The following SLC44A3 variants were observed in gnomAD, a reference collection of about 807,000 sequenced individuals.
SLC44A3 encodes solute carrier family 44 member 3.
SLC44A3 carries 74 observed loss-of-function variants against 75.4 expected under a neutral mutation model. The observed-to-expected ratio is 0.98, with a 90% CI of 0.81 to 1.19. SLC44A3 has a LOEUF of 1.19. Ranked by LOEUF, SLC44A3 falls within the 50% of genes most tolerant of loss-of-function variation. The pLI, the probability that SLC44A3 is intolerant of heterozygous loss-of-function variation, is 0.00. For missense variants in SLC44A3, 700 were observed against 778.6 expected (o/e 0.90, Z 1.20); for synonymous variants, 310 against 296.9 (o/e 1.04, Z -0.45).
intron 12 of SLC44A3, among the ~76,000 whole-genome samples, chr1:94,867,812 T>C (rs1667338987): frequency 6.6e-6 from 1 of 151,990 alleles, no homozygotes; most frequent in African/African-American, 2.4e-5. Context: ...GAGCTGTAGT[T>C]TGCATACCCT....
intron 12 of SLC44A3, among the ~76,000 whole-genome samples, chr1:94,869,226 C>G (rs994315075): frequency 6.6e-6 from 1 of 152,242 alleles, no homozygotes; most frequent in Non-Finnish European, 1.5e-5. Context: ...GACCATTTCC[C>G]TTGGTAATTC....
intron 9 of SLC44A3, among the ~76,000 whole-genome samples, chr1:94,854,448 C>T (rs1665598476): frequency 6.6e-6 from 1 of 152,232 alleles, no homozygotes. Flanking sequence ...GGGATCTACC[C>T]ATAGTCTACC....
At chr1:94,853,563 G>T (rs1665484866) in intron 9 of SLC44A3, among the ~76,000 whole-genome samples, 6 of 152,182 alleles carry the variant, frequency 3.9e-5, no homozygotes, top group African/African-American at 1.4e-4. Context: ...GTGAAGTGTG[G>T]CCATAGGATC....
intron 14 of SLC44A3, 38 bp from the exon 15 acceptor site, chr1:94,894,780 C>A: frequency 6.5e-7 from 1 of 1,545,098 alleles, no homozygotes; most frequent in Non-Finnish European, 8.9e-7. Flanking sequence ...ACAGTACAGA[C>A]ACATAATACT....
In SLC44A3 at chr1:94,841,662, G is replaced by A. The variant is rs76543728; in HGVS notation, c.761-338G>A. 6.4e-3 allele frequency among the ~76,000 whole-genome samples: 972 copies of A among 152,262 alleles called. 6 individuals are homozygous for A. Among genetic ancestry groups the A allele is most frequent in the Non-Finnish European group, 0.01 (710 of 68,022 alleles). On this transcript the variant is annotated intron_variant, in intron 7 of 14. Transcript: ENST00000271227. ...TAAAACATTTAGACAGTGAGCTCTGGCATTGTCCCTCTCACCATCCTGTCC... is the reference window on the plus strand; with the variant it reads ...TAAAACATTTAGACAGTGAGCTCTGACATTGTCCCTCTCACCATCCTGTCC...
At chr1:94,837,268 A>G (rs1662953310) in intron 5 of SLC44A3, among the ~76,000 whole-genome samples, 2 of 152,222 alleles carry the variant, frequency 1.3e-5, no homozygotes, top group Non-Finnish European at 2.9e-5. Context: ...CATGGTGACT[A>G]TAGTTCATAA....
At position 94,857,107 on chromosome 1, in the gene SLC44A3, A is replaced by G. The variant is rs577077046; in HGVS notation, c.1073-228A>G. Among the ~76,000 whole-genome samples the G allele has an allele frequency of 7.3e-4, 111 of 152,306 alleles. 1 individual carries two copies. Among genetic ancestry groups the G allele is most frequent in the South Asian group, 3.9e-3 (19 of 4,832 alleles). On this transcript the variant is annotated intron_variant, in intron 9 of 14. Transcript: ENST00000271227. ...TTATAGCATATGTCAGGTGTCTTGG[A>G]AATTGCCTACCAATGGTCACTGTAA...
chr1:94,853,146 CAG>C (rs201987360), intron 9 of SLC44A3, among the ~76,000 whole-genome samples: 1,801 of 152,258 alleles, frequency 0.012, 19 homozygotes, highest in Non-Finnish European at 0.019. Flanking sequence ...GGAGAACAAA[CAG>C]AGAAGACTGA....
chr1:94,868,264 GA>G (rs1667383861), intron 12 of SLC44A3, among the ~76,000 whole-genome samples: 1 of 152,116 alleles, frequency 6.6e-6, no homozygotes, highest in African/African-American at 2.4e-5. Context: ...AATGTTCACA[GA>G]AATCTCACTT....
intron 14 of SLC44A3, among the ~76,000 whole-genome samples, chr1:94,892,950 C>T (rs958045603): frequency 1.3e-5 from 2 of 152,240 alleles, no homozygotes; most frequent in African/African-American, 2.4e-5. Context: ...GGAGAGCACA[C>T]TTGTGTGCTC....
intron 12 of SLC44A3, among the ~76,000 whole-genome samples, chr1:94,879,611 G>A (rs1233657615): frequency 1.3e-5 from 2 of 151,416 alleles, no homozygotes; most frequent in South Asian, 2.1e-4. Context: ...AGGCGGAGGT[G>A]GGCAGATCAC....
intron 10 of SLC44A3, among the ~76,000 whole-genome samples, chr1:94,862,813 G>A (rs2101384631): frequency 6.6e-6 from 1 of 152,302 alleles, no homozygotes; most frequent in Middle Eastern, 3.4e-3. Context: ...TGCCCCATAT[G>A]CTCAACACTG....
chr1:94,857,512 GT>G lies in SLC44A3; in HGVS notation c.1238+20del, dbSNP rs747918461. 3.8e-6 allele frequency: 6 copies of G among 1,599,394 alleles called. No individual in the cohort carries two copies. The highest frequency in any genetic ancestry group is 2.3e-5 in the South Asian group (2 of 88,646). On this transcript the variant is annotated intron_variant, in intron 10 of 14. Transcript: ENST00000271227. ...TGTTATTTCAACAGGTAGGTCCAGT[GT>G]TTTTTTTCTATTGGTTTGTCTATGT...
chr1:94,851,656 G>T (rs541335987), intron 9 of SLC44A3, among the ~76,000 whole-genome samples: 5 of 152,302 alleles, frequency 3.3e-5, no homozygotes, highest in African/African-American at 1.2e-4. Context: ...ATTGCAGGCT[G>T]CCTGTCAATG....
chr1:94,892,509 G>T lies in SLC44A3; in HGVS notation c.1849G>T (p.Glu617Ter). 6.2e-7 allele frequency: 1 copy of T among 1,613,416 alleles called. No individual in the cohort carries two copies. Among genetic ancestry groups the T allele is most frequent in the Non-Finnish European group, 8.5e-7 (1 of 1,179,802 alleles). The part of the protein sequence containing the change: ...SSEKPYFMDQ[E>*]FLSFVKRSNK... ...AGAAAAGCCCTACTTTATGGATCAAGAATTTCTGGTAAGCAAACATTTCAT... is the reference window on the plus strand; with the variant it reads ...AGAAAAGCCCTACTTTATGGATCAATAATTTCTGGTAAGCAAACATTTCAT... The change falls in exon 14 of 15, where the codon GAA becomes TAA. Residue 617 changes from glutamate (E) to a stop codon, truncating the protein, a stop_gained. Transcript: ENST00000271227. LOFTEE classifies it low-confidence loss of function (END_TRUNC).
At chr1:94,861,883 A>C (rs910048787) in intron 10 of SLC44A3, among the ~76,000 whole-genome samples, 1 of 152,208 alleles carries the variant, frequency 6.6e-6, no homozygotes, top group Non-Finnish European at 1.5e-5. Context: ...GATAGGAAGG[A>C]GCTAGAACCC....
At chr1:94,841,930 G>C in intron 7 of SLC44A3, 70 bp from the exon 8 acceptor site, 1 of 1,523,278 alleles carries the variant, frequency 6.6e-7, no homozygotes, top group Non-Finnish European at 8.8e-7. Flanking sequence ...CTTCCTGTGT[G>C]ATTCTGTGTG....
chr1:94,854,710 G>A (rs1445040580), intron 9 of SLC44A3, among the ~76,000 whole-genome samples: 1 of 151,796 alleles, frequency 6.6e-6, no homozygotes, highest in Non-Finnish European at 1.5e-5. Flanking sequence ...TAAACCAATG[G>A]TTCTCAAGCC....
At chr1:94,855,860 T>G (rs1487192573) in intron 9 of SLC44A3, among the ~76,000 whole-genome samples, 1 of 152,218 alleles carries the variant, frequency 6.6e-6, no homozygotes, top group Admixed American at 6.5e-5. Flanking sequence ...CTAAATGTTC[T>G]TCAAGCTATA....
Sources: allele counts gnomAD v4.1 joint callset (sites outside exome capture counted in the v4.1 genomes callset), GRCh38; gene constraint gnomAD v4.1.1; transcripts MANE v1.5; gene names NCBI Gene and HGNC (gene_info 2026-07-23, HGNC 2026-07-21).